Variants in NRK observed in about 807,000 individuals in gnomAD.
NRK encodes the protein nik-related protein kinase.
A neutral mutation model predicts 125.2 loss-of-function variants in NRK; 67 were observed. The ratio of observed to expected loss-of-function variants is 0.54; its 90% CI spans 0.44 to 0.66. The LOEUF is 0.66. Among genes scored for constraint, NRK ranks in the 30% least tolerant of loss-of-function variants. The pLI is 0.00. For synonymous variants in NRK, 458 were observed against 429.0 expected, an observed-to-expected ratio of 1.07 and a Z score of -0.84; for missense variants, 1,224 against 1,192.9, an observed-to-expected ratio of 1.03 and a Z score of -0.38.
chrX:105,842,701 A>C (rs1294825064), intron 2 of NRK, among the ~76,000 whole-genome samples: 2 of 111,620 alleles, frequency 1.8e-5, no homozygotes, highest in Non-Finnish European at 3.8e-5. Flanking sequence ...AATAAATTAC[A>C]TGTAGGTCTA....
At chrX:105,868,820 T>C (rs1030387305) in intron 2 of NRK, among the ~76,000 whole-genome samples, 2 of 109,023 alleles carry the variant, frequency 1.8e-5, no homozygotes, top group African/African-American at 6.7e-5. Context: ...ATTTCATTTC[T>C]GCAGGCTTTA....
At chrX:105,867,777 T>A (rs1010378981) in intron 2 of NRK, among the ~76,000 whole-genome samples, 1 of 111,994 alleles carries the variant, frequency 8.9e-6, no homozygotes, top group African/African-American at 3.2e-5. Flanking sequence ...TTTGAAAACA[T>A]ACAGAACCTA....
Position 105,923,469 on chromosome X carries a change from C to T in NRK, c.2962C>T (p.Pro988Ser). Residue 988 changes from proline (P) to serine (S), a missense_variant, in exon 18 of 29, where the codon CCT becomes TCT. Transcript: ENST00000243300. The part of the protein sequence containing the change: ...DDVNNNYYEA[P>S]SCPRASYGRD... ...TGTAAATAATAATTATTATGAGGCGCCTAGTTGTCCAAGGTTGGTTTTTTT... is the reference window on the plus strand; with the variant it reads ...TGTAAATAATAATTATTATGAGGCGTCTAGTTGTCCAAGGTTGGTTTTTTT... 8.9e-7 allele frequency: 1 copy of T among 1,126,002 alleles called. No homozygotes were observed. Among genetic ancestry groups the T allele is most frequent in the East Asian group, 3.3e-5 (1 of 30,417 alleles). 92.8% of individuals were successfully genotyped at this position (1,126,002 alleles called of 1,213,427 possible).
chrX:105,839,345 A>T (rs905487004), intron 2 of NRK, among the ~76,000 whole-genome samples: 1 of 111,289 alleles, frequency 9.0e-6, no homozygotes, highest in South Asian at 3.7e-4. Context: ...CTTAAAGCAC[A>T]TAGCACTATG....
chrX:105,956,270 G>T lies in NRK; in HGVS notation c.*670G>T, dbSNP rs945265026. 9.0e-6 allele frequency: 1 copy of T among 111,672 alleles called. No homozygotes were observed. The highest frequency in any genetic ancestry group is 1.9e-5 in the Non-Finnish European group (1 of 53,095). The allele number at this position is 111,672 out of a possible 1,213,427, so 9.2% of individuals were successfully genotyped here. A position where few individuals can be genotyped will look rare whatever the true frequency, so the allele number is the denominator to read the frequency against. ...AGAAGAAAGGAAGAAAGCCCCAGAC[G>T]CTTGGTTTTTCTCAGAACCCCCAAA... is the stretch of plus-strand genomic sequence containing the variant. On this transcript the variant is annotated 3_prime_UTR_variant, in exon 29 of 29. Coordinates refer to ENST00000243300, the MANE Select transcript of NRK (RefSeq NM_198465.4).
Position 105,924,870 on chromosome X carries a change from G to A in NRK, c.3151G>A (p.Gly1051Ser), listed in dbSNP as rs2040503254. ...TCAGGAAGAACATGCAGCCAATATA[G>A]GCAGTGAAAGAAGAGGCAGTGAGGG... Reference protein sequence around the residue: ...GDQEEHAANIGSERRGSEGDG... With the variant: ...GDQEEHAANISSERRGSEGDG... Residue 1051 changes from glycine (G) to serine (S), a missense_variant, in exon 19 of 29, where the codon GGC (glycine) becomes AGC (serine). Coordinates refer to ENST00000243300, the MANE Select transcript of NRK (RefSeq NM_198465.4). The A allele has an allele frequency of 8.3e-7, 1 of 1,211,163 alleles. No homozygotes were observed.
chrX:105,879,048 C>G (rs1167193060), intron 2 of NRK, among the ~76,000 whole-genome samples: 1 of 110,997 alleles, frequency 9.0e-6, no homozygotes, highest in African/African-American at 3.3e-5. Context: ...ATCAACAATC[C>G]TTGACATTTC....
rs1259416798 is a variant in NRK at position 105,832,823 on chromosome X, A to T, written c.123+1704A>T. On this transcript the variant is annotated intron_variant, in intron 2 of 28. Transcript: ENST00000243300. ...AGGATTGCTTGAAGCCAGAGTTGAGATGATCCTGGGCAACAAAACAAGACC... is the reference window on the plus strand; with the variant it reads ...AGGATTGCTTGAAGCCAGAGTTGAGTTGATCCTGGGCAACAAAACAAGACC... Among the ~76,000 whole-genome samples the T allele has an allele frequency of 2.4e-4, 26 of 110,105 alleles. No individual in the cohort carries two copies. In the Admixed American group the frequency reaches 2.5e-3, roughly 11 times the overall value.
chrX:105,836,165 C>T (rs1358180275), intron 2 of NRK, among the ~76,000 whole-genome samples: 6 of 111,477 alleles, frequency 5.4e-5, no homozygotes, highest in Non-Finnish European at 9.4e-5. Flanking sequence ...AGAAAAGTTA[C>T]GATTAGCTAG....
Position 105,923,151 on chromosome X carries a change from C to A in NRK, c.2644C>A (p.Pro882Thr). ...PDGFKVGKISPPVYLTNEWVG... is the reference protein window; with the variant it reads ...PDGFKVGKISTPVYLTNEWVG... Reference sequence around the variant, plus strand: ...TGGATTTAAAGTAGGAAAAATATCACCCCCTGTATACTTGACAAACGAATG... The same window carrying A: ...TGGATTTAAAGTAGGAAAAATATCAACCCCTGTATACTTGACAAACGAATG... The change falls in exon 18 of 29, where the codon CCC becomes ACC. Residue 882 changes from proline to threonine, a missense_variant. Physicochemically the swap from Pro to Thr is conservative, Grantham distance 38. Coordinates refer to ENST00000243300, the MANE Select transcript of NRK (RefSeq NM_198465.4). The A allele has an allele frequency of 2.5e-6, 3 of 1,201,829 alleles. No homozygotes were observed. The highest frequency in any genetic ancestry group is 3.4e-6 in the Non-Finnish European group (3 of 887,342).
intron 2 of NRK, among the ~76,000 whole-genome samples, chrX:105,844,630 C>T (rs1012204704): frequency 9.0e-6 from 1 of 111,524 alleles, no homozygotes. Context: ...GAGGCCAGAA[C>T]GTTCCAGATA....
chrX:105,917,478 C>T, intron 15 of NRK, 100 bp from the exon 16 acceptor site: 1 of 417,819 alleles, frequency 2.4e-6, no homozygotes, highest in Non-Finnish European at 4.0e-6. Context: ...GATATGTACC[C>T]ATATATTTAA....
At chrX:105,887,251 C>A (rs759797874) in intron 4 of NRK, among the ~76,000 whole-genome samples, 2 of 111,347 alleles carry the variant, frequency 1.8e-5, no homozygotes, top group Non-Finnish European at 3.8e-5. Flanking sequence ...AAATGACAAC[C>A]CAGTTTTTAA....
chrX:105,873,459 A>T (rs1023637071), intron 2 of NRK, among the ~76,000 whole-genome samples: 1 of 111,508 alleles, frequency 9.0e-6, no homozygotes, highest in Non-Finnish European at 1.9e-5. Flanking sequence ...TGGGCTTTGC[A>T]TCAGACCATT....
intron 2 of NRK, among the ~76,000 whole-genome samples, chrX:105,849,753 C>T (rs1182715984): frequency 8.9e-6 from 1 of 112,169 alleles, no homozygotes; most frequent in Non-Finnish European, 1.9e-5. Flanking sequence ...GACTACAGGT[C>T]TCACATTCAG....
intron 2 of NRK, among the ~76,000 whole-genome samples, chrX:105,877,000 GA>G (rs1164122870): frequency 5.4e-5 from 6 of 111,642 alleles, no homozygotes; most frequent in Non-Finnish European, 1.1e-4. Flanking sequence ...GTATGAAAGG[GA>G]AAAATAACAA....
At chrX:105,941,486 C>T (rs2147789476) in intron 23 of NRK, among the ~76,000 whole-genome samples, 1 of 108,342 alleles carries the variant, frequency 9.2e-6, no homozygotes, top group Non-Finnish European at 1.9e-5. Flanking sequence ...AGTAATCATG[C>T]TCCTTTGACC....
At position 105,957,645 on chromosome X, in the gene NRK, G is replaced by C. The variant is rs1477293113; in HGVS notation, c.*2045G>C. 4.5e-5 allele frequency: 5 copies of C among 111,605 alleles called. No individual in the cohort carries two copies. The highest frequency in any genetic ancestry group is 9.4e-5 in the Non-Finnish European group (5 of 53,159). 9.2% of individuals were successfully genotyped at this position (111,605 alleles called of 1,213,427 possible). On this transcript the variant is annotated 3_prime_UTR_variant, in exon 29 of 29. Coordinates refer to ENST00000243300, the MANE Select transcript of NRK (RefSeq NM_198465.4). Reference sequence around the variant, plus strand: ...AAAAGTGACCTGAATCTACAATGATGTCCCAAAGTAACCAAGTAAGAGAGA... The same window carrying C: ...AAAAGTGACCTGAATCTACAATGATCTCCCAAAGTAACCAAGTAAGAGAGA...
intron 4 of NRK, among the ~76,000 whole-genome samples, chrX:105,885,339 A>G (rs1337643454): frequency 8.9e-6 from 1 of 111,938 alleles, no homozygotes; most frequent in Non-Finnish European, 1.9e-5. Flanking sequence ...ACTATTTTGT[A>G]TTCACCGTTG....
Sources: allele counts gnomAD v4.1 joint callset (sites outside exome capture counted in the v4.1 genomes callset), GRCh38; gene constraint gnomAD v4.1.1; transcripts MANE v1.5; gene names NCBI Gene and HGNC (gene_info 2026-07-23, HGNC 2026-07-21).